MEMO1: variants seen among roughly 807,000 people sequenced by gnomAD.
MEMO1 encodes protein MEMO1.
A neutral mutation model predicts 45.2 loss-of-function variants in MEMO1; 6 were observed. That is an observed-to-expected ratio of 0.13 (90% CI 0.07 to 0.26). MEMO1 has a LOEUF of 0.26. Among genes scored for constraint, MEMO1 ranks in the 10% least tolerant of loss-of-function variants. The pLI, the probability that MEMO1 is intolerant of heterozygous loss-of-function variation, is 1.00. For missense variants in MEMO1, 184 were observed against 370.5 expected (o/e 0.50, Z 4.13); for synonymous variants, 78 against 124.3 (o/e 0.63, Z 2.48).
intron 2 of MEMO1, among the ~76,000 whole-genome samples, chr2:31,987,106 T>C (rs1671355566): frequency 6.6e-6 from 1 of 152,174 alleles, no homozygotes; most frequent in South Asian, 2.1e-4. Flanking sequence ...TGGGCTCATG[T>C]AATCCTCCCA....
Position 31,913,875 on chromosome 2 carries a change from G to A in MEMO1, c.437+4051C>T, listed in dbSNP as rs1420212205. Among the ~76,000 whole-genome samples the A allele has an allele frequency of 2.6e-5, 4 of 152,202 alleles. No homozygotes were observed. In the East Asian group the frequency reaches 5.8e-4, roughly 22 times the overall value. ...AATGTCACTCCTCCCATCAAAAATA[G>A]CATCCCTAGTTCCCTCTCCTTGAAT... is the stretch of plus-strand genomic sequence containing the variant. On this transcript the variant is annotated intron_variant, in intron 6 of 9. Coordinates refer to ENST00000404530, the MANE Select transcript of MEMO1 (RefSeq NM_001301833.4).
chr2:31,932,963 G>C (rs1664362791), intron 3 of MEMO1, among the ~76,000 whole-genome samples: 1 of 151,898 alleles, frequency 6.6e-6, no homozygotes, highest in African/African-American at 2.4e-5. Flanking sequence ...CGCACAGAAT[G>C]ACTGTTTCCT....
At chr2:31,892,183 A>G (rs1176584683) in intron 6 of MEMO1, 49 bp from the exon 7 acceptor site, 4 of 1,502,906 alleles carry the variant, frequency 2.7e-6, no homozygotes, top group Non-Finnish European at 3.6e-6. Context: ...TGCTTAAATG[A>G]AAGTTTTCCA....
Position 31,890,661 on chromosome 2 carries a change from G to A in MEMO1, c.580+1331C>T, listed in dbSNP as rs560981199. The stretch of plus-strand genomic sequence containing the variant: ...TTCTCTGGGGGGTTGGAAAGGAAGT[G>A]CAACTACCTGCATATCCTAAAAATC... On this transcript the variant is annotated intron_variant, in intron 7 of 9. Coordinates refer to ENST00000404530, the MANE Select transcript of MEMO1 (RefSeq NM_001301833.4). 1.4e-4 allele frequency among the ~76,000 whole-genome samples: 22 copies of A among 152,248 alleles called. No homozygotes were observed. In the South Asian group the frequency reaches 3.9e-3, roughly 27 times the overall value.
At chr2:31,900,449 A>G (rs1678613919) in intron 6 of MEMO1, among the ~76,000 whole-genome samples, 1 of 152,132 alleles carries the variant, frequency 6.6e-6, no homozygotes, top group African/African-American at 2.4e-5. Flanking sequence ...CAAACACTGC[A>G]TGTTCTCACT....
chr2:31,989,242 A>C (rs1184571177), intron 2 of MEMO1, among the ~76,000 whole-genome samples: 1 of 151,380 alleles, frequency 6.6e-6, no homozygotes, highest in Non-Finnish European at 1.5e-5. Flanking sequence ...AAAAAAAAAA[A>C]AGAAAGAAAG....
At chr2:31,928,720 A>T (rs1332976565) in intron 4 of MEMO1, among the ~76,000 whole-genome samples, 2 of 152,160 alleles carry the variant, frequency 1.3e-5, no homozygotes, top group South Asian at 4.1e-4. Context: ...AAATATATCC[A>T]TTTCTCATAT....
chr2:31,958,699 C>T (rs1442466435), intron 2 of MEMO1, among the ~76,000 whole-genome samples: 1 of 152,112 alleles, frequency 6.6e-6, no homozygotes, highest in African/African-American at 2.4e-5. Flanking sequence ...TCACCCTGGC[C>T]GGAATGCAAT....
In MEMO1 at chr2:31,969,125, T is replaced by C. The variant is rs148240090; in HGVS notation, c.62-25742A>G. Among the ~76,000 whole-genome samples the C allele has an allele frequency of 1.1e-3, 168 of 151,928 alleles. 2 individuals are homozygous for C. In the East Asian group the frequency reaches 0.029, roughly 27 times the overall value. ...TCCATACACAGGAAAATCTAGTCAC[T>C]ATATCCAACTGGCCATTTGATAAGT... is the stretch of plus-strand genomic sequence containing the variant. On this transcript the variant is annotated intron_variant, in intron 2 of 9. Coordinates refer to ENST00000404530, the MANE Select transcript of MEMO1 (RefSeq NM_001301833.4).
chr2:31,994,681 G>A (rs775972270), intron 2 of MEMO1, among the ~76,000 whole-genome samples: 5 of 152,078 alleles, frequency 3.3e-5, no homozygotes, highest in Non-Finnish European at 5.9e-5. Flanking sequence ...AGGCACAGTG[G>A]CTCATGCCTA....
chr2:31,901,428 C>T (rs183601297), intron 6 of MEMO1, among the ~76,000 whole-genome samples: 125 of 125,664 alleles, frequency 9.9e-4, no homozygotes, highest in Non-Finnish European at 1.1e-3. Context: ...CATGCGACAA[C>T]AGGGATGAAT....
intron 5 of MEMO1, among the ~76,000 whole-genome samples, chr2:31,920,167 C>T (rs901430535): frequency 6.6e-6 from 1 of 151,496 alleles, no homozygotes; most frequent in African/African-American, 2.4e-5. Flanking sequence ...AATTACTCCC[C>T]CCCCCAAAAG....
At chr2:31,933,863 G>C (rs1396993630) in intron 3 of MEMO1, among the ~76,000 whole-genome samples, 3 of 151,996 alleles carry the variant, frequency 2.0e-5, no homozygotes, top group African/African-American at 4.8e-5. Flanking sequence ...TAGTCTTTTG[G>C]CTCAGCACAC....
intron 2 of MEMO1, among the ~76,000 whole-genome samples, chr2:32,001,396 T>C (rs549238685): frequency 2.0e-5 from 3 of 152,096 alleles, no homozygotes; most frequent in Admixed American, 6.6e-5. Flanking sequence ...CTAATTAAAA[T>C]ATACCAATTA....
intron 8 of MEMO1, 45 bp from the exon 9 acceptor site, chr2:31,869,997 A>T: frequency 7.5e-7 from 1 of 1,341,578 alleles, no homozygotes; most frequent in Non-Finnish European, 1.0e-6. Flanking sequence ...TAAAAGAAGA[A>T]GACAATATTT....
chr2:31,874,082 AAG>A (rs1272007379), intron 8 of MEMO1, among the ~76,000 whole-genome samples: 1 of 152,156 alleles, frequency 6.6e-6, no homozygotes, highest in African/African-American at 2.4e-5. Context: ...TTAAAAGAAA[AAG>A]AAGTTATAAC....
chr2:32,010,049 C>A, intron 2 of MEMO1, 138 bp downstream of exon 2: 1 of 234,612 alleles, frequency 4.3e-6, no homozygotes, highest in Non-Finnish European at 6.8e-6. Flanking sequence ...TCCCTCCCCA[C>A]GCGGTCCGCG....
At chr2:31,946,895 T>G (rs1259260294) in intron 2 of MEMO1, among the ~76,000 whole-genome samples, 3 of 152,202 alleles carry the variant, frequency 2.0e-5, no homozygotes, top group Admixed American at 6.5e-5. Context: ...CCCTTTTCTA[T>G]GTTTACATAC....
At chr2:31,948,039 A>G (rs1572774071) in intron 2 of MEMO1, among the ~76,000 whole-genome samples, 1 of 152,220 alleles carries the variant, frequency 6.6e-6, no homozygotes, top group South Asian at 2.1e-4. Context: ...TCCTACAGTT[A>G]TACAGTAGGA....
Sources: allele counts gnomAD v4.1 joint callset (sites outside exome capture counted in the v4.1 genomes callset), GRCh38; gene constraint gnomAD v4.1.1; transcripts MANE v1.5; gene names NCBI Gene and HGNC (gene_info 2026-07-23, HGNC 2026-07-21).